The following MPP7 variants were observed in gnomAD, a reference collection of about 807,000 sequenced individuals.
The protein encoded by MPP7 is MAGUK p55 scaffold protein 7.
Under a neutral mutation model 76.5 loss-of-function variants are expected in MPP7, and 60 were observed. The observed-to-expected ratio is 0.78, with a 90% CI of 0.64 to 0.97. MPP7 has a LOEUF of 0.97. Ranked by LOEUF, MPP7 falls within the 50% of genes least tolerant of loss-of-function variation. The probability of loss-of-function intolerance (pLI) is 0.00; values close to 1 mark genes in which losing one functional copy is unlikely to be tolerated. For synonymous variants in MPP7, 237 were observed against 244.5 expected, an observed-to-expected ratio of 0.97 and a Z score of 0.29; for missense variants, 641 against 694.0, an observed-to-expected ratio of 0.92 and a Z score of 0.86.
intron 13 of MPP7, among the ~76,000 whole-genome samples, chr10:28,062,351 A>G (rs1851820113): frequency 6.6e-6 from 1 of 152,138 alleles, no homozygotes; most frequent in Non-Finnish European, 1.5e-5. Context: ...GCAACCAGTA[A>G]AAAGCTAATC....
chr10:28,222,085 A>T (rs1838528571), intron 2 of MPP7, among the ~76,000 whole-genome samples: 1 of 152,158 alleles, frequency 6.6e-6, no homozygotes, highest in Admixed American at 6.6e-5. Context: ...TTAATATTGA[A>T]CAATTCTACA....
chr10:28,152,161 A>G (rs922929811), intron 3 of MPP7, among the ~76,000 whole-genome samples: 1 of 152,176 alleles, frequency 6.6e-6, no homozygotes, highest in Non-Finnish European at 1.5e-5. Flanking sequence ...AGCGTCTTTC[A>G]CAAATAGTCA....
At position 28,095,440 on chromosome 10, in the gene MPP7, C is replaced by A. The variant is rs187362595; in HGVS notation, c.953-5599G>T. ...CTAGATTCTGTCCCCCATGGGTAGT[C>A]AGAGGTGATAGCACACTTCACATGT... On this transcript the variant is annotated intron_variant, in intron 11 of 16. Coordinates refer to ENST00000683449, the MANE Select transcript of MPP7 (RefSeq NM_001318170.2). Among the ~76,000 whole-genome samples, 30 of 152,150 alleles carry A rather than the reference C, an allele frequency of 2.0e-4. No individual in the cohort carries two copies. In the East Asian group the frequency reaches 5.8e-3, roughly 29 times the overall value.
At chr10:28,206,676 A>AGAG (rs1837958770) in intron 2 of MPP7, among the ~76,000 whole-genome samples, 1 of 152,112 alleles carries the variant, frequency 6.6e-6, no homozygotes, top group Non-Finnish European at 1.5e-5. Context: ...CATCATTTTC[A>AGAG]TTTCTAGATA....
At chr10:28,304,947 T>C (rs748690120), upstream of MPP7, among the ~76,000 whole-genome samples, 1 of 147,228 alleles carries the variant, frequency 6.8e-6, no homozygotes, top group Non-Finnish European at 1.5e-5. Flanking sequence ...TGCAGCTGTT[T>C]TTATCAGAAG....
intron 2 of MPP7, among the ~76,000 whole-genome samples, chr10:28,235,741 G>A (rs1018336021): frequency 2.0e-5 from 3 of 152,046 alleles, no homozygotes; most frequent in African/African-American, 7.2e-5. Context: ...GCAGAAGAAA[G>A]GTAGCATGCA....
At chr10:28,246,012 A>G (rs1215944349) in intron 1 of MPP7, among the ~76,000 whole-genome samples, 1 of 152,090 alleles carries the variant, frequency 6.6e-6, no homozygotes, top group Non-Finnish European at 1.5e-5. Context: ...GCAGATGAAT[A>G]TACGCACTAT....
rs891485480 is a variant in MPP7 at position 28,119,711 on chromosome 10, A to G, written c.892T>C (p.Leu298=). 9 of 1,613,536 alleles carry G rather than the reference A, an allele frequency of 5.6e-6. No homozygotes were observed. The highest frequency in any genetic ancestry group is 5.0e-5 in the Admixed American group (3 of 59,998). The change falls in exon 11 of 17, where the codon TTG becomes CTG. Residue 298 remains leucine, a synonymous_variant. Transcript: ENST00000683449. ...AATATTTCTGGTCGTCTCAAAGCCA[A>G]TCTCCTGGGAGAAAGAAGGTCAACA... ...IPSKHFQERR[L]ALRRPEILVQ...
At chr10:28,185,905 C>T (rs1462842074) in intron 3 of MPP7, among the ~76,000 whole-genome samples, 1 of 152,140 alleles carries the variant, frequency 6.6e-6, no homozygotes, top group Non-Finnish European at 1.5e-5. Context: ...TTCCTGTATA[C>T]CTTTTTACAC....
At chr10:28,192,043 G>C (rs796939006) in intron 3 of MPP7, among the ~76,000 whole-genome samples, 36 of 151,872 alleles carry the variant, frequency 2.4e-4, no homozygotes, top group African/African-American at 8.4e-4. Flanking sequence ...AGAATCGCTT[G>C]AACCCCAGAG....
At chr10:28,240,353 A>C (rs959727224) in intron 1 of MPP7, among the ~76,000 whole-genome samples, 3 of 152,182 alleles carry the variant, frequency 2.0e-5, no homozygotes, top group Non-Finnish European at 4.4e-5. Flanking sequence ...AAAAAATCCA[A>C]ACTGTAAGAT....
intron 14 of MPP7, 65 bp downstream of exon 14, chr10:28,059,585 A>C: frequency 1.0e-6 from 1 of 972,686 alleles, no homozygotes; most frequent in Non-Finnish European, 1.6e-6. Flanking sequence ...TCAGTTGTCT[A>C]AAACGGGACA....
In MPP7 at chr10:28,238,350, T is replaced by C. The variant is rs2290701; in HGVS notation, c.37+218A>G. 0.28 allele frequency among the ~76,000 whole-genome samples: 42,229 copies of C among 152,062 alleles called. 6,605 individuals carry two copies. Among genetic ancestry groups the C allele is most frequent in the East Asian group, 0.54 (2,772 of 5,150 alleles). On this transcript the variant is annotated intron_variant, in intron 2 of 16. Transcript: ENST00000683449. ...AAAAGCAAGACAGTATGAGAATATC[T>C]GCACATGCCATCACTACCCAGAGAA...
intron 6 of MPP7, among the ~76,000 whole-genome samples, chr10:28,125,978 G>A (rs1656453712): frequency 6.6e-6 from 1 of 152,166 alleles, no homozygotes; most frequent in African/African-American, 2.4e-5. Context: ...TGCTAAAAAG[G>A]TATGCTTTTC....
chr10:28,103,173 T>G (rs888388270), intron 11 of MPP7, among the ~76,000 whole-genome samples: 3 of 150,680 alleles, frequency 2.0e-5, no homozygotes, highest in African/African-American at 7.4e-5. Context: ...TCGGGGCCTT[T>G]GCACACACTG....
intron 6 of MPP7, among the ~76,000 whole-genome samples, chr10:28,127,927 G>A (rs536596283): frequency 1.8e-3 from 269 of 152,336 alleles, no homozygotes; most frequent in African/African-American, 6.2e-3. Flanking sequence ...GGAAGGAACA[G>A]AAGACACAGC....
At chr10:28,122,695 C>A (rs1196376182) in intron 8 of MPP7, among the ~76,000 whole-genome samples, 3 of 152,108 alleles carry the variant, frequency 2.0e-5, no homozygotes, top group Non-Finnish European at 4.4e-5. Flanking sequence ...ATATGCACTG[C>A]TGATTTTTCT....
upstream of MPP7, among the ~76,000 whole-genome samples, chr10:28,335,083 A>G (rs942921990): frequency 6.6e-6 from 1 of 152,172 alleles, no homozygotes; most frequent in African/African-American, 2.4e-5. Flanking sequence ...AGTTCCCGAC[A>G]CGGCTGCACG....
At chr10:28,159,900 C>G (rs1368536832) in intron 3 of MPP7, among the ~76,000 whole-genome samples, 1 of 152,132 alleles carries the variant, frequency 6.6e-6, no homozygotes, top group Non-Finnish European at 1.5e-5. Context: ...CAAACATTTA[C>G]ACATTTCATG....
Sources: allele counts gnomAD v4.1 joint callset (sites outside exome capture counted in the v4.1 genomes callset), GRCh38; gene constraint gnomAD v4.1.1; transcripts MANE v1.5; gene names NCBI Gene and HGNC (gene_info 2026-07-23, HGNC 2026-07-21).